Variants in CSNK1A1L observed in about 807,000 individuals in gnomAD.
CSNK1A1L encodes the protein casein kinase 1 alpha 1 like, also known as casein kinase I isoform alpha-like.
Under a neutral mutation model 24.6 loss-of-function variants are expected in CSNK1A1L, and 20 were observed. The observed-to-expected ratio is 0.81, with a 90% CI of 0.57 to 1.18. The LOEUF (loss-of-function observed/expected upper bound fraction) is 1.18, where lower values mean the gene tolerates loss of function less well. Among genes scored for constraint, CSNK1A1L ranks in the 50% most tolerant of loss-of-function variants. CSNK1A1L has a pLI of 0.00. For synonymous variants in CSNK1A1L, 152 were observed against 154.0 expected, an observed-to-expected ratio of 0.99 and a Z score of 0.09; for missense variants, 414 against 419.0, an observed-to-expected ratio of 0.99 and a Z score of 0.10.
Position 37,104,949 on chromosome 13 carries a change from A to G in CSNK1A1L, c.308T>C (p.Phe103Ser). Residue 103 changes from phenylalanine to serine, a missense_variant, in exon 1 of 1, where the codon TTC (phenylalanine) becomes TCC (serine). Phe to Ser is a radical substitution (Grantham distance 155). Coordinates refer to ENST00000379800, the MANE Select transcript of CSNK1A1L (RefSeq NM_145203.6). ...LGPSLEDLFN[F>S]CSRRFTMKTV... ...TTTCATGGTGAACCTTCTTGAACAG[A>G]AATTAAAGAGGTCTTCGAGGCTGGG... The G allele has an allele frequency of 1.2e-6, 2 of 1,614,074 alleles. No homozygotes were observed. Among genetic ancestry groups the G allele is most frequent in the Non-Finnish European group, 1.7e-6 (2 of 1,179,998 alleles).
At position 37,105,502 on chromosome 13, in the gene CSNK1A1L, C is replaced by T. The variant is rs1057317197; in HGVS notation, c.-246G>A. The T allele has an allele frequency of 8.2e-6, 4 of 485,100 alleles. No individual in the cohort carries two copies. The highest frequency in any genetic ancestry group is 3.4e-5 in the East Asian group (1 of 29,666). The allele number at this position is 485,100 out of a possible 1,614,324, so 30.0% of individuals were successfully genotyped here. A position where few individuals can be genotyped will look rare whatever the true frequency, so the allele number is the denominator to read the frequency against. ...TGGGCCACCACCTCTTTCTCGGTGG[C>T]GGTCGCTGCCTCGCTGTCGTGGCGA... is the stretch of plus-strand genomic sequence containing the variant. On this transcript the variant is annotated 5_prime_UTR_variant, in exon 1 of 1. Coordinates refer to ENST00000379800, the MANE Select transcript of CSNK1A1L (RefSeq NM_145203.6).
At position 37,105,186 on chromosome 13, in the gene CSNK1A1L, C is replaced by A; in HGVS notation, c.71G>T (p.Gly24Val). ...GGKYKLVRKIGSGSFGDVYLG... is the reference protein window; with the variant it reads ...GGKYKLVRKIVSGSFGDVYLG... ...ATAAACGTCTCCAAAGGAGCCAGAC[C>A]CGATCTTCCGCACCAGTTTGTATTT... The change falls in exon 1 of 1, where the codon GGG (glycine) becomes GTG (valine). Residue 24 changes from glycine to valine, a missense_variant. Gly to Val is a moderately radical substitution (Grantham distance 109, BLOSUM62 -3). Coordinates refer to ENST00000379800, the MANE Select transcript of CSNK1A1L (RefSeq NM_145203.6). The A allele has an allele frequency of 6.2e-7, 1 of 1,614,166 alleles. No homozygotes were observed.
In CSNK1A1L at chr13:37,104,229, T is replaced by C; in HGVS notation, c.*14A>G. The C allele has an allele frequency of 6.2e-7, 1 of 1,614,176 alleles. No homozygotes were observed. The highest frequency in any genetic ancestry group is 2.2e-5 in the East Asian group (1 of 44,886). On this transcript the variant is annotated 3_prime_UTR_variant, in exon 1 of 1. Coordinates refer to ENST00000379800, the MANE Select transcript of CSNK1A1L (RefSeq NM_145203.6). ...CGAATCATCTGCTCTGCTTCTTCTG[T>C]TCCTCATTCACGCTTAGTTATCTTT... is the stretch of plus-strand genomic sequence containing the variant.
At position 37,104,725 on chromosome 13, in the gene CSNK1A1L, C is replaced by A. The variant is rs569931862; in HGVS notation, c.532G>T (p.Asp178Tyr). The A allele has an allele frequency of 6.2e-7, 1 of 1,614,062 alleles. No homozygotes were observed. Among genetic ancestry groups the A allele is most frequent in the Non-Finnish European group, 8.5e-7 (1 of 1,180,016 alleles). The change falls in exon 1 of 1, where the codon GAT becomes TAT. Residue 178 changes from aspartate to tyrosine, a missense_variant. Transcript: ENST00000379800. ...RTRQHIPYREDKHLIGTVRYA... is the reference protein window; with the variant it reads ...RTRQHIPYREYKHLIGTVRYA... ...CGGACAGTGCCAATGAGGTGTTTAT[C>A]TTCTCTGTACGGTATGTGTTGCCTG... is the stretch of plus-strand genomic sequence containing the variant.
chr13:37,104,733 T>C lies in CSNK1A1L; in HGVS notation c.524A>G (p.Tyr175Cys), dbSNP rs1399542721. 5.0e-6 allele frequency: 8 copies of C among 1,614,026 alleles called. No homozygotes were observed. The highest frequency in any genetic ancestry group is 3.4e-6 in the Non-Finnish European group (4 of 1,180,048). ...RDNRTRQHIP[Y>C]REDKHLIGTV... ...GCCAATGAGGTGTTTATCTTCTCTG[T>C]ACGGTATGTGTTGCCTGGTCCTGTT... Residue 175 changes from tyrosine (Y) to cysteine (C), a missense_variant, in exon 1 of 1, where the codon TAC becomes TGC. Physicochemically the swap from Tyr to Cys is radical, Grantham distance 194. Transcript: ENST00000379800.
chr13:37,103,389 G>T lies in CSNK1A1L; in HGVS notation c.*854C>A, dbSNP rs552415954. ...CATTTTTTGGTTGTTGTTTAAAAAA[G>T]TATTATTTCCTTATAGAAACAGTTT... On this transcript the variant is annotated 3_prime_UTR_variant, in exon 1 of 1. Coordinates refer to ENST00000379800, the MANE Select transcript of CSNK1A1L (RefSeq NM_145203.6). The T allele has an allele frequency of 8.5e-5, 13 of 152,236 alleles. No individual in the cohort carries two copies. The highest frequency in any genetic ancestry group is 2.9e-4 in the African/African-American group (12 of 41,534). 9.4% of individuals were successfully genotyped at this position (152,236 alleles called of 1,614,324 possible).
rs1331216861 is a variant in CSNK1A1L, at chr13:37,103,665, C to T, written c.*578G>A. 2.8e-4 allele frequency: 43 copies of T among 154,258 alleles called. No homozygotes were observed. Among genetic ancestry groups the T allele is most frequent in the Admixed American group, 2.7e-3 (43 of 15,688 alleles). 9.6% of individuals were successfully genotyped at this position (154,258 alleles called of 1,614,324 possible). A position where few individuals can be genotyped will look rare whatever the true frequency, so the allele number is the denominator to read the frequency against. On this transcript the variant is annotated 3_prime_UTR_variant, in exon 1 of 1. Coordinates refer to ENST00000379800, the MANE Select transcript of CSNK1A1L (RefSeq NM_145203.6). ...TTACTAAGATTTTCTTATGTCTTCACAGGTAAGCAGGCGGAATCTTTCCTA... is the reference window on the plus strand; with the variant it reads ...TTACTAAGATTTTCTTATGTCTTCATAGGTAAGCAGGCGGAATCTTTCCTA...
chr13:37,105,414 C>G lies in CSNK1A1L; in HGVS notation c.-158G>C, dbSNP rs1240982937. 1.4e-6 allele frequency: 1 copy of G among 696,080 alleles called. No individual in the cohort carries two copies. Among genetic ancestry groups the G allele is most frequent in the Non-Finnish European group, 2.4e-6 (1 of 415,324 alleles). 43.1% of individuals were successfully genotyped at this position (696,080 alleles called of 1,614,324 possible). On this transcript the variant is annotated 5_prime_UTR_variant, in exon 1 of 1. Coordinates refer to ENST00000379800, the MANE Select transcript of CSNK1A1L (RefSeq NM_145203.6). ...TTACAGGGCGTGGAGTCAGCCTGAT[C>G]CCTGCAGCACACCAGGATTTCCGCC... is the stretch of plus-strand genomic sequence containing the variant.
Position 37,104,231 on chromosome 13 carries a change from C to T in CSNK1A1L, c.*12G>A. 6.2e-7 allele frequency: 1 copy of T among 1,614,156 alleles called. No homozygotes were observed. Among genetic ancestry groups the T allele is most frequent in the Non-Finnish European group, 8.5e-7 (1 of 1,179,998 alleles). On this transcript the variant is annotated 3_prime_UTR_variant, in exon 1 of 1. Coordinates refer to ENST00000379800, the MANE Select transcript of CSNK1A1L (RefSeq NM_145203.6). ...AATCATCTGCTCTGCTTCTTCTGTTCCTCATTCACGCTTAGTTATCTTTCA... is the reference window on the plus strand; with the variant it reads ...AATCATCTGCTCTGCTTCTTCTGTTTCTCATTCACGCTTAGTTATCTTTCA...
In CSNK1A1L at chr13:37,104,946, C is replaced by A. The variant is rs745459208; in HGVS notation, c.311G>T (p.Cys104Phe). The change falls in exon 1 of 1, where the codon TGT becomes TTT. Residue 104 changes from cysteine (C) to phenylalanine (F), a missense_variant. Coordinates refer to ENST00000379800, the MANE Select transcript of CSNK1A1L (RefSeq NM_145203.6). ...GPSLEDLFNF[C>F]SRRFTMKTVL... ...AGTTTTCATGGTGAACCTTCTTGAA[C>A]AGAAATTAAAGAGGTCTTCGAGGCT... is the stretch of plus-strand genomic sequence containing the variant. The A allele has an allele frequency of 6.2e-7, 1 of 1,614,056 alleles. No homozygotes were observed. Among genetic ancestry groups the A allele is most frequent in the East Asian group, 2.2e-5 (1 of 44,878 alleles).
In CSNK1A1L at chr13:37,105,367, G is replaced by T. The variant is rs1196143281; in HGVS notation, c.-111C>A. On this transcript the variant is annotated 5_prime_UTR_variant, in exon 1 of 1. Coordinates refer to ENST00000379800, the MANE Select transcript of CSNK1A1L (RefSeq NM_145203.6). ...CTGAGGATGAGGGCTGCTGGAAATGGCCACCGAGGCGTTTCCCGGTGTTAC... is the reference window on the plus strand; with the variant it reads ...CTGAGGATGAGGGCTGCTGGAAATGTCCACCGAGGCGTTTCCCGGTGTTAC... The T allele has an allele frequency of 1.4e-5, 17 of 1,204,324 alleles. No individual in the cohort carries two copies. Among genetic ancestry groups the T allele is most frequent in the Non-Finnish European group, 1.9e-5 (16 of 852,864 alleles). The allele number at this position is 1,204,324 out of a possible 1,614,324, so 74.6% of individuals were successfully genotyped here.
At position 37,105,616 on chromosome 13, in the gene CSNK1A1L, C is replaced by CACGCCGCCG. The variant is rs1566441264; in HGVS notation, c.-369_-361dup. On this transcript the variant is annotated 5_prime_UTR_variant, in exon 1 of 1. The change abolishes the stop of an existing upstream ORF in the 5' untranslated region. Coordinates refer to ENST00000379800, the MANE Select transcript of CSNK1A1L (RefSeq NM_145203.6). ...ACGGCTGTGGGCCAGAGGGCCCGGT[C>CACGCCGCCG]ACGCCGCCGGCGCCGCCATTTTGTT... 4.5e-6 allele frequency: 1 copy of CACGCCGCCG among 220,002 alleles called. No homozygotes were observed. The highest frequency in any genetic ancestry group is 2.3e-5 in the African/African-American group (1 of 43,362). 13.6% of individuals were successfully genotyped at this position (220,002 alleles called of 1,614,324 possible).
Position 37,104,811 on chromosome 13 carries a change from T to G in CSNK1A1L, c.446A>C (p.His149Pro). The change falls in exon 1 of 1, where the codon CAC (histidine) becomes CCC (proline). Residue 149 changes from histidine to proline, a missense_variant. Coordinates refer to ENST00000379800, the MANE Select transcript of CSNK1A1L (RefSeq NM_145203.6). The part of the protein sequence containing the change: ...PDNFLMGTGR[H>P]CNKLFLIDFG... ...ATCAATAAGGAACAACTTATTACAG[T>G]GACGCCCAGTACCCATCAGGAAGTT... The G allele has an allele frequency of 1.2e-6, 2 of 1,614,028 alleles. No homozygotes were observed. The highest frequency in any genetic ancestry group is 2.7e-5 in the African/African-American group (2 of 74,984).
chr13:37,105,023 C>T, the CSNK1A1L span: 1 of 1,614,058 alleles, frequency 6.2e-7, no homozygotes, highest in Non-Finnish European at 8.5e-7. Context: ...CCTGACCATA[C>T]CAGTGCATGT....
Position 37,104,120 on chromosome 13 carries a change from C to T in CSNK1A1L, c.*123G>A, listed in dbSNP as rs1424377735. The T allele has an allele frequency of 4.6e-6, 6 of 1,302,202 alleles. No individual in the cohort carries two copies. The African/African-American group carries it at 7.4e-5, about 16-fold the overall frequency. 80.7% of individuals were successfully genotyped at this position (1,302,202 alleles called of 1,614,324 possible). A position where few individuals can be genotyped will look rare whatever the true frequency, so the allele number is the denominator to read the frequency against. On this transcript the variant is annotated 3_prime_UTR_variant, in exon 1 of 1. Transcript: ENST00000379800. Reference sequence around the variant, plus strand: ...GTTTATATTGAAATAAAGTTTTTTACACCAACTAAATGGTTGTTCACAGCC... The same window carrying T: ...GTTTATATTGAAATAAAGTTTTTTATACCAACTAAATGGTTGTTCACAGCC...
Position 37,104,466 on chromosome 13 carries a change from C to G in CSNK1A1L, c.791G>C (p.Arg264Pro), listed in dbSNP as rs1405552303. Reference protein sequence around the residue: ...AEFAMYLNYCRGLRFEEVPDY... With the variant: ...AEFAMYLNYCPGLRFEEVPDY... ...TGGGACTTCCTCAAAGCGCAGCCCA[C>G]GACAGTAGTTCAAGTACATGGCGAA... The change falls in exon 1 of 1, where the codon CGT becomes CCT. Residue 264 changes from arginine to proline, a missense_variant. Arg to Pro is a moderately radical substitution (Grantham distance 103, BLOSUM62 -2). Transcript: ENST00000379800. The G allele has an allele frequency of 6.2e-7, 1 of 1,614,160 alleles. No homozygotes were observed. Among genetic ancestry groups the G allele is most frequent in the Non-Finnish European group, 8.5e-7 (1 of 1,180,036 alleles).
In CSNK1A1L at chr13:37,103,931, G is replaced by T. The variant is rs1344531816; in HGVS notation, c.*312C>A. On this transcript the variant is annotated 3_prime_UTR_variant, in exon 1 of 1. Coordinates refer to ENST00000379800, the MANE Select transcript of CSNK1A1L (RefSeq NM_145203.6). ...AGGTTTTAACAAAAAATTGGCATAT[G>T]GACAATGTCTCCACCAATTCGTGTG... 3 of 419,488 alleles carry T rather than the reference G, an allele frequency of 7.2e-6. No homozygotes were observed. Among genetic ancestry groups the T allele is most frequent in the Non-Finnish European group, 1.3e-5 (3 of 229,704 alleles). 26.0% of individuals were successfully genotyped at this position (419,488 alleles called of 1,614,324 possible). A position where few individuals can be genotyped will look rare whatever the true frequency, so the allele number is the denominator to read the frequency against.
rs143609436 is a variant in CSNK1A1L at position 37,104,852 on chromosome 13, T to C, written c.405A>G (p.Arg135=). The C allele has an allele frequency of 4.6e-4, 750 of 1,614,164 alleles. 1 individual carries two copies. Among genetic ancestry groups the C allele is most frequent in the Non-Finnish European group, 5.9e-4 (699 of 1,180,020 alleles). Residue 135 remains arginine, a synonymous_variant, in exon 1 of 1, where the codon CGA becomes CGG. Coordinates refer to ENST00000379800, the MANE Select transcript of CSNK1A1L (RefSeq NM_145203.6). ...TCAGGAAGTTATCTGGTTTAATGTC[T>C]CGGTGTAGAAAATTCTTTGTATGCA... is the stretch of plus-strand genomic sequence containing the variant. ...EYVHTKNFLH[R]DIKPDNFLMG...
At position 37,105,410 on chromosome 13, in the gene CSNK1A1L, TG is replaced by T. The variant is rs1456623148; in HGVS notation, c.-155del. On this transcript the variant is annotated 5_prime_UTR_variant, in exon 1 of 1. Transcript: ENST00000379800. Reference sequence around the variant, plus strand: ...GGTGTTACAGGGCGTGGAGTCAGCCTGATCCCTGCAGCACACCAGGATTTCC... The same window carrying T: ...GGTGTTACAGGGCGTGGAGTCAGCCTATCCCTGCAGCACACCAGGATTTCC... 1.9e-5 allele frequency: 14 copies of T among 742,884 alleles called. No individual in the cohort carries two copies. The highest frequency in any genetic ancestry group is 3.1e-5 in the Non-Finnish European group (14 of 449,922). 46.0% of individuals were successfully genotyped at this position (742,884 alleles called of 1,614,324 possible).
Sources: gnomAD v4.1 joint callset for allele counts on GRCh38, gnomAD v4.1.1 for gene constraint, MANE v1.5 for transcripts, NCBI Gene and HGNC (gene_info 2026-07-23, HGNC 2026-07-21) for gene names.